The following ENAH variants were observed in gnomAD, a reference collection of about 807,000 sequenced individuals.
The protein encoded by ENAH is ENAH actin regulator, also known as protein enabled homolog.
ENAH carries 23 observed loss-of-function variants against 78.7 expected under a neutral mutation model. The ratio of observed to expected loss-of-function variants is 0.29; its 90% CI spans 0.21 to 0.41. The LOEUF (loss-of-function observed/expected upper bound fraction) is 0.41, where lower values mean the gene tolerates loss of function less well. ENAH is among the 10% of genes least tolerant of loss of function. The probability of loss-of-function intolerance (pLI) is 1.00; values close to 1 mark genes in which losing one functional copy is unlikely to be tolerated. For missense variants in ENAH, 544 were observed against 691.0 expected, an observed-to-expected ratio of 0.79 and a Z score of 2.39; for synonymous variants, 226 against 241.0, an observed-to-expected ratio of 0.94 and a Z score of 0.58.
chr1:225,620,295 C>T (rs1371867166), intron 1 of ENAH, among the ~76,000 whole-genome samples: 5 of 150,734 alleles, frequency 3.3e-5, no homozygotes, highest in Admixed American at 2.0e-4. Flanking sequence ...TGGGAGGCCG[C>T]GGCAGGTAGA....
At position 225,576,304 on chromosome 1, in the gene ENAH, A is replaced by G. The variant is rs150496523; in HGVS notation, c.6-8890T>C. Among the ~76,000 whole-genome samples the G allele has an allele frequency of 1.5e-4, 23 of 151,928 alleles. No homozygotes were observed. The East Asian group carries it at 4.1e-3, about 27-fold the overall frequency. On this transcript the variant is annotated intron_variant, in intron 1 of 13. Coordinates refer to ENST00000366843, the MANE Select transcript of ENAH (RefSeq NM_018212.6). Reference sequence around the variant, plus strand: ...AAAAAAAAAAAAAACCCAAAAAACAAAAAGAATCAGCTGTCTGTGACCAAA... The same window carrying G: ...AAAAAAAAAAAAAACCCAAAAAACAGAAAGAATCAGCTGTCTGTGACCAAA...
At position 225,505,137 on chromosome 1, in the gene ENAH, T is replaced by C. The variant is rs542679653; in HGVS notation, c.1538+2814A>G. The C allele has an allele frequency of 9.3e-5, 93 of 995,344 alleles. No individual in the cohort carries two copies. The African/African-American group carries it at 1.3e-3, about 14-fold the overall frequency. 61.7% of individuals were successfully genotyped at this position (995,344 alleles called of 1,614,324 possible). ...ATTATGTTACTGTTTTATAGGTTGTTAATAGCAAACAAAACAAGAATTGAG... is the reference window on the plus strand; with the variant it reads ...ATTATGTTACTGTTTTATAGGTTGTCAATAGCAAACAAAACAAGAATTGAG... On this transcript the variant is annotated intron_variant, in intron 11 of 13. Coordinates refer to ENST00000366843, the MANE Select transcript of ENAH (RefSeq NM_018212.6).
chr1:225,567,753 CT>C (rs1272009425), intron 1 of ENAH, among the ~76,000 whole-genome samples: 1 of 152,134 alleles, frequency 6.6e-6, no homozygotes, highest in Non-Finnish European at 1.5e-5. Context: ...AGTAATTGCA[CT>C]TTTTGCTATT....
Position 225,514,781 on chromosome 1 carries a change from T to C in ENAH, c.1033A>G (p.Thr345Ala). The stretch of plus-strand genomic sequence containing the variant: ...GGAGGAGGGGGCGGTGGAGGCCCGG[T>C]GGATGGGAGTGGAGGAGGTGGAGGG... Reference protein sequence around the residue: ...GPPPPPPLPSTGPPPPPPPPP... With the variant: ...GPPPPPPLPSAGPPPPPPPPP... Residue 345 changes from threonine (T) to alanine (A), a missense_variant, in exon 7 of 14, where the codon ACC becomes GCC. Physicochemically the swap from Thr to Ala is moderately conservative, Grantham distance 58. Coordinates refer to ENST00000366843, the MANE Select transcript of ENAH (RefSeq NM_018212.6). 2.3e-6 allele frequency: 2 copies of C among 885,202 alleles called. No homozygotes were observed. Among genetic ancestry groups the C allele is most frequent in the Non-Finnish European group, 2.7e-6 (2 of 733,420 alleles). The allele number at this position is 885,202 out of a possible 1,614,324, so 54.8% of individuals were successfully genotyped here.
chr1:225,581,216 G>T, intron 1 of ENAH: 5 of 926,414 alleles, frequency 5.4e-6, no homozygotes, highest in Non-Finnish European at 6.4e-6. Flanking sequence ...CCATTAATAA[G>T]AAACTTTTCT....
At chr1:225,533,968 G>A (rs1401191462) in intron 3 of ENAH, among the ~76,000 whole-genome samples, 1 of 151,986 alleles carries the variant, frequency 6.6e-6, no homozygotes, top group Non-Finnish European at 1.5e-5. Context: ...AGGTAATAAT[G>A]GGGGGAAATC....
Position 225,514,840 on chromosome 1 carries a change from T to A in ENAH, c.974A>T (p.Gln325Leu), listed in dbSNP as rs745538039. ...GGGAGGAGGGAGGGCTACTGAAGCC[T>A]GTGCAGGCCCTGGTGGGAGTGGTGG... ...PPPPLPPGPA[Q>L]ASVALPPPPG... is the part of the protein sequence containing the mutation. The change falls in exon 7 of 14, where the codon CAG (glutamine) becomes CTG (leucine). Residue 325 changes from glutamine to leucine, a missense_variant. Physicochemically the swap from Gln to Leu is moderately radical, Grantham distance 113 (BLOSUM62 -2). This residue lies in a region of ENAH where 366 missense variants were observed against 396.1 expected (regional missense o/e 0.92). Transcript: ENST00000366843. 6.9e-6 allele frequency: 11 copies of A among 1,594,544 alleles called. No individual in the cohort carries two copies. The African/African-American group carries it at 1.5e-4, about 22-fold the overall frequency.
At chr1:225,513,480 A>T (rs1014842574) in intron 7 of ENAH, among the ~76,000 whole-genome samples, 9 of 152,260 alleles carry the variant, frequency 5.9e-5, no homozygotes, top group African/African-American at 2.2e-4. Context: ...ATCTTGCACT[A>T]GGAAAAAAAC....
intron 3 of ENAH, among the ~76,000 whole-genome samples, chr1:225,550,395 A>G (rs755028180): frequency 2.6e-5 from 4 of 152,158 alleles, no homozygotes; most frequent in Non-Finnish European, 5.9e-5. Flanking sequence ...TCATTTTTGT[A>G]TTATTCCCAG....
At chr1:225,558,855 G>GT (rs2151450811) in intron 2 of ENAH, among the ~76,000 whole-genome samples, 1 of 152,018 alleles carries the variant, frequency 6.6e-6, no homozygotes, top group East Asian at 1.9e-4. Flanking sequence ...GGAAGGTCTT[G>GT]ATCTCCTGAC....
At chr1:225,637,558 CA>C (rs747833667) in intron 1 of ENAH, among the ~76,000 whole-genome samples, 2 of 152,070 alleles carry the variant, frequency 1.3e-5, no homozygotes, top group Non-Finnish European at 2.9e-5. Flanking sequence ...GGGAACCACA[CA>C]TTATGAAGGG....
At chr1:225,653,506 T>C (rs1663451879), upstream of ENAH, among the ~76,000 whole-genome samples, 1 of 132,468 alleles carries the variant, frequency 7.5e-6, no homozygotes, top group Non-Finnish European at 1.6e-5. The surrounding 1 kb of genome is among the most constrained non-coding windows in gnomAD (Gnocchi z 4.3). Context: ...CCCCGTCGCC[T>C]CCCGCTCCCC....
Position 225,519,307 on chromosome 1 carries a change from T to TCTC in ENAH, c.692_693insGAG (p.Arg232dup), listed in dbSNP as rs1458032644. On this transcript the variant is annotated inframe_insertion, in exon 5 of 14. Transcript: ENST00000366843. ...GTTCCAGTCTCTCCAGCCTCTCTCG[T>TCTC]TCTTGTCTTTCTTGCCTCTCCCGAT... 18 of 1,612,790 alleles carry TCTC rather than the reference T, an allele frequency of 1.1e-5. No homozygotes were observed. Among genetic ancestry groups the TCTC allele is most frequent in the Non-Finnish European group, 1.5e-5 (18 of 1,179,686 alleles).
At position 225,537,978 on chromosome 1, in the gene ENAH, C is replaced by T. The variant is rs142349689; in HGVS notation, c.350-7340G>A. On this transcript the variant is annotated intron_variant, in intron 3 of 13. Transcript: ENST00000366843. The stretch of plus-strand genomic sequence containing the variant: ...TCATGATTTTCACAACCAGCAGTTT[C>T]TCCTATTAGCAATTAGTCCCAAGGC... Among the ~76,000 whole-genome samples the T allele has an allele frequency of 1.6e-3, 237 of 152,242 alleles. 2 individuals are homozygous for T. Among genetic ancestry groups the T allele is most frequent in the African/African-American group, 5.4e-3 (225 of 41,550 alleles).
At chr1:225,509,099 C>A (rs550313436) in intron 10 of ENAH, among the ~76,000 whole-genome samples, 1 of 152,286 alleles carries the variant, frequency 6.6e-6, no homozygotes, top group East Asian at 1.9e-4. Context: ...TGTATTCTAA[C>A]AGCTAACACA....
At chr1:225,576,015 GCTC>G (rs1015403482) in intron 1 of ENAH, among the ~76,000 whole-genome samples, 61 of 152,174 alleles carry the variant, frequency 4.0e-4, no homozygotes, top group South Asian at 2.5e-3. Flanking sequence ...AATGCTCAGA[GCTC>G]CTCAACTCAT....
intron 9 of ENAH, 76 bp from the exon 10 acceptor site, chr1:225,511,935 C>G (rs1052967632): frequency 1.1e-6 from 1 of 934,282 alleles, no homozygotes; most frequent in East Asian, 2.6e-5. Context: ...TTTACACGAA[C>G]ACTTCTAATA....
At chr1:225,561,613 T>A (rs185595232) in intron 2 of ENAH, among the ~76,000 whole-genome samples, 2,093 of 18,872 alleles carry the variant, frequency 0.11, 26 homozygotes, top group Non-Finnish European at 0.17. Flanking sequence ...AGAGTGAGAT[T>A]CCGTCTTAAA....
At chr1:225,600,483 T>C (rs2096925083) in intron 1 of ENAH, among the ~76,000 whole-genome samples, 2 of 152,158 alleles carry the variant, frequency 1.3e-5, no homozygotes, top group Admixed American at 1.3e-4. Context: ...TTTTGCCACA[T>C]TTAATGGCAA....
Sources: gnomAD v4.1 joint callset for allele counts (sites outside exome capture counted in the v4.1 genomes callset) on GRCh38, gnomAD v4.1.1 for gene constraint, gnomAD v4.1.1 regional missense constraint, Gnocchi (gnomAD v3.1) non-coding constraint, MANE v1.5 for transcripts, NCBI Gene and HGNC (gene_info 2026-07-23, HGNC 2026-07-21) for gene names.